SLC8A1: variants seen among roughly 807,000 people sequenced by gnomAD.
SLC8A1 encodes sodium/calcium exchanger 1.
A neutral mutation model predicts 68.3 loss-of-function variants in SLC8A1; 18 were observed. The observed-to-expected ratio is 0.26, with a 90% CI of 0.18 to 0.39. SLC8A1 has a LOEUF of 0.39. Ranked by LOEUF, SLC8A1 falls within the 10% of genes least tolerant of loss-of-function variation. The pLI, the probability that SLC8A1 is intolerant of heterozygous loss-of-function variation, is 1.00. For synonymous variants in SLC8A1, 475 were observed against 415.5 expected (o/e 1.14, Z -1.74); for missense variants, 985 against 1,156.7 (o/e 0.85, Z 2.15).
At chr2:40,492,446 T>C (rs1033286224) in intron 1 of SLC8A1, among the ~76,000 whole-genome samples, 1 of 152,148 alleles carries the variant, frequency 6.6e-6, no homozygotes, top group Non-Finnish European at 1.5e-5. Context: ...AAGAACTTCA[T>C]GTCAAAAACA....
At chr2:40,478,774 G>GT (rs760505178) in intron 1 of SLC8A1, among the ~76,000 whole-genome samples, 3,097 of 133,864 alleles carry the variant, frequency 0.023, 62 homozygotes, top group African/African-American at 0.057. Context: ...TAATTTGTTT[G>GT]TTTTTTTTTT....
chr2:40,423,120 TA>T (rs1172569087), intron 2 of SLC8A1, among the ~76,000 whole-genome samples: 2 of 152,156 alleles, frequency 1.3e-5, no homozygotes, highest in Admixed American at 1.3e-4. Context: ...TATAATGATT[TA>T]AAATCCCATT....
At chr2:40,131,780 G>A (rs147103205) in intron 7 of SLC8A1, among the ~76,000 whole-genome samples, 2,080 of 151,966 alleles carry the variant, frequency 0.014, 49 homozygotes, top group African/African-American at 0.048. Flanking sequence ...GGTCTAGCTC[G>A]GGAAGACCAA....
At chr2:40,340,190 C>G (rs1433193502) in intron 2 of SLC8A1, among the ~76,000 whole-genome samples, 1 of 152,142 alleles carries the variant, frequency 6.6e-6, no homozygotes, top group African/African-American at 2.4e-5. Flanking sequence ...ACCATGGAAC[C>G]TCTGAAAACT....
intron 2 of SLC8A1, among the ~76,000 whole-genome samples, chr2:40,218,967 C>T (rs540987225): frequency 3.3e-5 from 5 of 152,004 alleles, no homozygotes; most frequent in African/African-American, 1.2e-4. Context: ...ACTTAGAAAG[C>T]AATATTAGCT....
intron 2 of SLC8A1, among the ~76,000 whole-genome samples, chr2:40,252,930 TATATGTATGTACATATATAC>T (rs2063073882): frequency 7.8e-6 from 1 of 128,178 alleles, no homozygotes; most frequent in South Asian, 2.2e-4. Flanking sequence ...TACATACATG[TATATGTATGTACATATATAC>T]ATATGTGTGT....
chr2:40,118,951 T>C (rs2036172158), intron 7 of SLC8A1, among the ~76,000 whole-genome samples: 1 of 152,076 alleles, frequency 6.6e-6, no homozygotes. Flanking sequence ...CTCTGGGCTT[T>C]CTAGATGGCA....
chr2:40,359,008 A>G (rs988074471), intron 2 of SLC8A1, among the ~76,000 whole-genome samples: 2 of 152,148 alleles, frequency 1.3e-5, no homozygotes, highest in Admixed American at 1.3e-4. Flanking sequence ...GGCTTGTGCA[A>G]AAACCTCAGA....
intron 2 of SLC8A1, among the ~76,000 whole-genome samples, chr2:40,319,322 C>T (rs2074898790): frequency 6.6e-6 from 1 of 152,094 alleles, no homozygotes; most frequent in African/African-American, 2.4e-5. Context: ...ATTTTGCTTT[C>T]TTTCACTATT....
At chr2:40,298,794 A>G (rs546554026) in intron 2 of SLC8A1, among the ~76,000 whole-genome samples, 2 of 152,198 alleles carry the variant, frequency 1.3e-5, no homozygotes, top group Non-Finnish European at 2.9e-5. Flanking sequence ...TACAGTAACT[A>G]ATGATGGTGA....
intron 1 of SLC8A1, among the ~76,000 whole-genome samples, chr2:40,442,116 G>A (rs887933769): frequency 1.7e-4 from 25 of 149,992 alleles, no homozygotes; most frequent in African/African-American, 2.9e-4. Context: ...GAGTTAATGC[G>A]TGCAGCACAC....
At chr2:40,346,216 T>A (rs530726049) in intron 2 of SLC8A1, among the ~76,000 whole-genome samples, 1 of 152,092 alleles carries the variant, frequency 6.6e-6, no homozygotes, top group African/African-American at 2.4e-5. Context: ...TGATTTCTTT[T>A]ATTGCACACA....
chr2:40,353,361 T>C (rs1305878495), intron 2 of SLC8A1, among the ~76,000 whole-genome samples: 2 of 152,088 alleles, frequency 1.3e-5, no homozygotes, highest in Non-Finnish European at 1.5e-5. Flanking sequence ...CCCTTCTCCA[T>C]CGTTCAACCT....
intron 7 of SLC8A1, among the ~76,000 whole-genome samples, chr2:40,129,833 T>C (rs902560158): frequency 3.9e-5 from 6 of 152,168 alleles, no homozygotes; most frequent in Admixed American, 3.9e-4. Flanking sequence ...CTAGATAGAA[T>C]AGAATAAAAT....
At chr2:40,178,589 TCAGA>T in intron 2 of SLC8A1, 96 bp from the exon 3 acceptor site, 7 of 993,884 alleles carry the variant, frequency 7.0e-6, no homozygotes, top group Non-Finnish European at 1.1e-5. Context: ...AGCTGCACTT[TCAGA>T]CAAACAGTAA....
intron 2 of SLC8A1, among the ~76,000 whole-genome samples, chr2:40,286,340 C>T (rs754849248): frequency 6.6e-5 from 10 of 152,150 alleles, no homozygotes; most frequent in Non-Finnish European, 1.2e-4. Flanking sequence ...ACAAATCAGA[C>T]CAGGATATGA....
intron 4 of SLC8A1, among the ~76,000 whole-genome samples, chr2:40,167,925 T>C (rs115198192): frequency 0.011 from 1,645 of 152,314 alleles, 35 homozygotes; most frequent in African/African-American, 0.037. Context: ...CATTGTGCTT[T>C]GAACCATCCT....
At chr2:40,257,869 G>A (rs1224846531) in intron 2 of SLC8A1, among the ~76,000 whole-genome samples, 1 of 152,156 alleles carries the variant, frequency 6.6e-6, no homozygotes, top group African/African-American at 2.4e-5. Context: ...CATGGACACA[G>A]GACTGCAAGA....
chr2:40,214,518 C>G (rs527992262), intron 2 of SLC8A1, among the ~76,000 whole-genome samples: 4 of 151,694 alleles, frequency 2.6e-5, no homozygotes, highest in African/African-American at 7.3e-5. Context: ...TCTTGGCTCA[C>G]TGCAACCTCC....
Sources: allele counts gnomAD v4.1 joint callset (sites outside exome capture counted in the v4.1 genomes callset), GRCh38; gene constraint gnomAD v4.1.1; transcripts MANE v1.5; gene names NCBI Gene and HGNC (gene_info 2026-07-23, HGNC 2026-07-21).